The following ALKBH8 variants were observed in gnomAD, a reference collection of about 807,000 sequenced individuals.
ALKBH8 encodes the protein alkB homolog 8, tRNA methyltransferase, also known as tRNA (carboxymethyluridine(34)-5-O)-methyltransferase ALKBH8.
ALKBH8 carries 36 observed loss-of-function variants against 59.8 expected under a neutral mutation model. The observed-to-expected ratio is 0.60, with a 90% CI of 0.46 to 0.79. ALKBH8 has a LOEUF of 0.79. Among genes scored for constraint, ALKBH8 ranks in the 30% least tolerant of loss-of-function variants. ALKBH8 has a pLI of 0.00. For synonymous variants in ALKBH8, 276 were observed against 273.6 expected (o/e 1.01, Z -0.09); for missense variants, 768 against 801.0 (o/e 0.96, Z 0.50).
chr11:107,556,287 A>G (rs1213784920), intron 3 of ALKBH8, among the ~76,000 whole-genome samples: 2 of 152,094 alleles, frequency 1.3e-5, no homozygotes, highest in Non-Finnish European at 2.9e-5. Flanking sequence ...TCAAAAAGCA[A>G]AAAAATAAAT....
chr11:107,557,075 A>T, intron 2 of ALKBH8, 72 bp from the exon 3 acceptor site: 1 of 1,133,280 alleles, frequency 8.8e-7, no homozygotes, highest in Non-Finnish European at 1.2e-6. Flanking sequence ...GTTTTAAAAT[A>T]AGATTTTTTT....
intron 7 of ALKBH8, among the ~76,000 whole-genome samples, chr11:107,547,773 T>C (rs1864326755): frequency 6.6e-6 from 1 of 152,248 alleles, no homozygotes; most frequent in African/African-American, 2.4e-5. Flanking sequence ...GTTCCTGTCA[T>C]AACTTATGCA....
intron 10 of ALKBH8, among the ~76,000 whole-genome samples, chr11:107,521,672 G>A (rs1339725215): frequency 6.6e-6 from 1 of 151,952 alleles, no homozygotes; most frequent in Non-Finnish European, 1.5e-5. Flanking sequence ...ATGGCTCATA[G>A]AAAAAAATAG....
At chr11:107,530,857 T>C (rs951814307) in intron 8 of ALKBH8, among the ~76,000 whole-genome samples, 2 of 152,176 alleles carry the variant, frequency 1.3e-5, no homozygotes, top group African/African-American at 4.8e-5. Context: ...TCAAATGTTG[T>C]TTTAGGAAAA....
At chr11:107,507,615 T>C (rs1862444940) in intron 11 of ALKBH8, among the ~76,000 whole-genome samples, 1 of 152,194 alleles carries the variant, frequency 6.6e-6, no homozygotes, top group African/African-American at 2.4e-5. Flanking sequence ...GCCTGTGAGA[T>C]TGTTTTACAG....
chr11:107,554,110 G>GCACC, intron 3 of ALKBH8, 132 bp from the exon 4 acceptor site: 1 of 1,081,418 alleles, frequency 9.2e-7, no homozygotes, highest in Non-Finnish European at 1.3e-6. Flanking sequence ...TTGCTGAAAG[G>GCACC]CACCCAACAT....
chr11:107,502,939 C>T lies in ALKBH8; in HGVS notation c.*1719G>A, dbSNP rs1464330112. On this transcript the variant is annotated 3_prime_UTR_variant, in exon 12 of 12. Coordinates refer to ENST00000428149, the MANE Select transcript of ALKBH8 (RefSeq NM_138775.3). ...CTAAGAAAACTGAAGCACAGAAAGT[C>T]AAGAAATTTGCCCAAAATCCCACAG... is the stretch of plus-strand genomic sequence containing the variant. The T allele has an allele frequency of 6.6e-6, 1 of 152,086 alleles. No homozygotes were observed. The highest frequency in any genetic ancestry group is 1.9e-4 in the East Asian group (1 of 5,174). The allele number at this position is 152,086 out of a possible 1,614,324, so 9.4% of individuals were successfully genotyped here. A position where few individuals can be genotyped will look rare whatever the true frequency, so the allele number is the denominator to read the frequency against.
chr11:107,528,538 T>C (rs1863446524), intron 8 of ALKBH8, among the ~76,000 whole-genome samples: 1 of 152,176 alleles, frequency 6.6e-6, no homozygotes, highest in African/African-American at 2.4e-5. Context: ...AGTCAAGGTA[T>C]TTTAGAGGAA....
chr11:107,542,275 T>C (rs1292307251), intron 7 of ALKBH8, among the ~76,000 whole-genome samples: 2 of 151,648 alleles, frequency 1.3e-5, no homozygotes, highest in Admixed American at 6.6e-5. Flanking sequence ...AGCAGGATCA[T>C]AAAAATAAAA....
At chr11:107,545,589 C>T (rs1864215560) in intron 7 of ALKBH8, among the ~76,000 whole-genome samples, 1 of 152,150 alleles carries the variant, frequency 6.6e-6, no homozygotes, top group Admixed American at 6.5e-5. Context: ...CAATTATCCC[C>T]ACCCACTGAG....
At position 107,510,992 on chromosome 11, in the gene ALKBH8, C is replaced by G; in HGVS notation, c.1332G>C (p.Glu444Asp). The G allele has an allele frequency of 6.4e-7, 1 of 1,552,000 alleles. No homozygotes were observed. The highest frequency in any genetic ancestry group is 1.2e-5 in the South Asian group (1 of 84,062). The change falls in exon 11 of 12, where the codon GAG becomes GAC. Residue 444 changes from glutamate (E) to aspartate (D), a missense_variant. By Grantham distance (45) the Glu-to-Asp change is conservative. Transcript: ENST00000428149. ...RSQNLVDICR[E>D]RQFQAFVCDA... is the part of the protein sequence containing the mutation. ...CACAGACAAAAGCCTGAAATTGCCT[C>G]TCTCTACAAATGTCCACAAGGTTTT...
At chr11:107,557,250 C>T (rs1381968856) in intron 2 of ALKBH8, among the ~76,000 whole-genome samples, 2 of 152,124 alleles carry the variant, frequency 1.3e-5, no homozygotes, top group Non-Finnish European at 2.9e-5. Flanking sequence ...ACAAAATATT[C>T]ATTTCTAAAT....
At chr11:107,561,802 A>C (rs1409152344) in intron 1 of ALKBH8, among the ~76,000 whole-genome samples, 1 of 152,246 alleles carries the variant, frequency 6.6e-6, no homozygotes, top group African/African-American at 2.4e-5. Flanking sequence ...ATTTGATGGT[A>C]GGGCTAAATG....
chr11:107,510,793 A>T (rs1316514159), intron 11 of ALKBH8, 94 bp downstream of exon 11: 1 of 1,323,964 alleles, frequency 7.6e-7, no homozygotes, highest in African/African-American at 1.5e-5. Flanking sequence ...GAAAGAACTG[A>T]AAAGCTAAAA....
chr11:107,503,213 A>G lies in ALKBH8; in HGVS notation c.*1445T>C, dbSNP rs1862247371. The G allele has an allele frequency of 1.3e-5, 2 of 152,156 alleles. No homozygotes were observed. Among genetic ancestry groups the G allele is most frequent in the Admixed American group, 1.3e-4 (2 of 15,272 alleles). The allele number at this position is 152,156 out of a possible 1,614,324, so 9.4% of individuals were successfully genotyped here. On this transcript the variant is annotated 3_prime_UTR_variant, in exon 12 of 12. Transcript: ENST00000428149. ...GAAATAAAACTATTTTTAGCCCTATATTCCTTTTCCTATATCATGAGCCTT... is the reference window on the plus strand; with the variant it reads ...GAAATAAAACTATTTTTAGCCCTATGTTCCTTTTCCTATATCATGAGCCTT...
intron 10 of ALKBH8, among the ~76,000 whole-genome samples, chr11:107,521,308 A>G (rs902114997): frequency 1.3e-4 from 20 of 152,220 alleles, no homozygotes; most frequent in African/African-American, 3.9e-4. Context: ...AGAATGGTAT[A>G]TCACTTTTCT....
rs1472657506 is a variant in ALKBH8 at position 107,565,627 on chromosome 11, C to T, written c.-33G>A. 6.5e-7 allele frequency: 1 copy of T among 1,535,642 alleles called. No individual in the cohort carries two copies. Among genetic ancestry groups the T allele is most frequent in the Non-Finnish European group, 8.7e-7 (1 of 1,146,930 alleles). ...TCCGCTTCGGCTCAGGCCGGATTCT[C>T]ACCATGCGTGTGCCTTCTTCTTTGC... On this transcript the variant is annotated 5_prime_UTR_variant, in exon 1 of 12. The change abolishes the stop of an existing upstream ORF in the 5' untranslated region. Transcript: ENST00000428149.
At chr11:107,523,486 T>A (rs928203336) in intron 9 of ALKBH8, among the ~76,000 whole-genome samples, 7 of 151,874 alleles carry the variant, frequency 4.6e-5, no homozygotes, top group Non-Finnish European at 1.0e-4. Flanking sequence ...GAGATGCTAA[T>A]GAAAGGATAC....
At position 107,504,700 on chromosome 11, in the gene ALKBH8, G is replaced by A. The variant is rs936661148; in HGVS notation, c.1953C>T (p.Tyr651=). 6.4e-7 allele frequency: 1 copy of A among 1,550,934 alleles called. No individual in the cohort carries two copies. Among genetic ancestry groups the A allele is most frequent in the Admixed American group, 2.0e-5 (1 of 50,756 alleles). The change falls in exon 12 of 12, where the codon TAC becomes TAT. Residue 651 remains tyrosine, a synonymous_variant. Transcript: ENST00000428149. ...TVSDVRILQS[Y]YDQGNWCVIL... is the part of the protein sequence containing the mutation. ...TCACACACCAGTTTCCTTGATCGTAGTAGCTTTGCAGAATTCTGACATCAC... is the reference window on the plus strand; with the variant it reads ...TCACACACCAGTTTCCTTGATCGTAATAGCTTTGCAGAATTCTGACATCAC...
Sources: allele counts gnomAD v4.1 joint callset (sites outside exome capture counted in the v4.1 genomes callset), GRCh38; gene constraint gnomAD v4.1.1; transcripts MANE v1.5; gene names NCBI Gene and HGNC (gene_info 2026-07-23, HGNC 2026-07-21).